BRME1: variants seen among roughly 807,000 people sequenced by gnomAD.
BRME1 encodes the protein BRCA2 and MEILB2-associating protein 1.
In BRME1, 31 loss-of-function variants were observed where a neutral mutation model predicts 52.6. The observed-to-expected ratio is 0.59, with a 90% CI of 0.44 to 0.80. The LOEUF (loss-of-function observed/expected upper bound fraction) is 0.80. Among genes scored for constraint, BRME1 ranks in the 30% least tolerant of loss-of-function variants. The probability of loss-of-function intolerance (pLI) is 0.00; values close to 1 mark genes in which losing one functional copy is unlikely to be tolerated. For missense variants in BRME1, 804 were observed against 860.3 expected (o/e 0.93, Z 0.82); for synonymous variants, 359 against 353.6 (o/e 1.02, Z -0.17).
At chr19:13,889,016 C>G (rs1011238985) in intron 6 of BRME1, among the ~76,000 whole-genome samples, 172 bp downstream of exon 6, 1 of 151,346 alleles carries the variant, frequency 6.6e-6, no homozygotes, top group Admixed American at 6.6e-5. Context: ...GGAAAACCAC[C>G]GACTCCACAC....
chr19:13,886,744 G>T (rs1317842069), intron 6 of BRME1, among the ~76,000 whole-genome samples: 1 of 150,242 alleles, frequency 6.7e-6, no homozygotes, highest in Non-Finnish European at 1.5e-5. Context: ...AGGATTGTTT[G>T]AGGCCAAGAG....
At chr19:13,887,877 C>T (rs933743005) in intron 6 of BRME1, among the ~76,000 whole-genome samples, 3 of 152,042 alleles carry the variant, frequency 2.0e-5, no homozygotes, top group African/African-American at 7.3e-5. Flanking sequence ...GATTCTCCTG[C>T]CTCAGCCTCC....
chr19:13,882,724 G>C lies in BRME1; in HGVS notation c.*78C>G. 6.3e-7 allele frequency: 1 copy of C among 1,577,468 alleles called. No homozygotes were observed. The highest frequency in any genetic ancestry group is 1.9e-5 in the Admixed American group (1 of 51,982). ...GAAGGGAGGTTTGTAGGGTCCACTA[G>C]GACCCCCTGGAGCATCTTGGAGGAG... On this transcript the variant is annotated 3_prime_UTR_variant, in exon 9 of 9. Coordinates refer to ENST00000586783, the MANE Select transcript of BRME1 (RefSeq NM_001345843.2).
intron 6 of BRME1, 26 bp downstream of exon 6, chr19:13,889,162 T>G: frequency 6.5e-7 from 1 of 1,527,690 alleles, no homozygotes; most frequent in Non-Finnish European, 8.8e-7. Context: ...TGGGCAGGTA[T>G]GTCTGTCACT....
chr19:13,899,396 C>T lies in BRME1; in HGVS notation c.32-3850G>A, dbSNP rs576364137. 8.5e-5 allele frequency among the ~76,000 whole-genome samples: 13 copies of T among 152,250 alleles called. No individual in the cohort carries two copies. The East Asian group carries it at 2.5e-3, about 29-fold the overall frequency. ...GAACTCCTGATCTCAAGTGATCTGTCTGCCTTGGCCTCCCAAAGTGCTGGG... is the reference window on the plus strand; with the variant it reads ...GAACTCCTGATCTCAAGTGATCTGTTTGCCTTGGCCTCCCAAAGTGCTGGG... On this transcript the variant is annotated intron_variant, in intron 2 of 8. Coordinates refer to ENST00000586783, the MANE Select transcript of BRME1 (RefSeq NM_001345843.2).
intron 6 of BRME1, among the ~76,000 whole-genome samples, chr19:13,887,204 G>A (rs1367287708): frequency 2.0e-5 from 3 of 152,200 alleles, no homozygotes; most frequent in Non-Finnish European, 4.4e-5. Flanking sequence ...CATCTTTGCT[G>A]TTCCCCGTGC....
In BRME1 at chr19:13,882,873, C is replaced by T; in HGVS notation, c.1936G>A (p.Ala646Thr). The T allele has an allele frequency of 5.6e-6, 9 of 1,614,054 alleles. No individual in the cohort carries two copies. Among genetic ancestry groups the T allele is most frequent in the South Asian group, 1.1e-5 (1 of 91,070 alleles). ...NYRKTKLGGK[A>T]PLPYPSKGPG... is the part of the protein sequence containing the mutation. ...CCCTTGGAAGGGTAAGGCAGGGGGG[C>T]TTTGCCTCCCAGCTTTGTCTTCCGG... Residue 646 changes from alanine to threonine, a missense_variant, in exon 9 of 9, where the codon GCC becomes ACC. By Grantham distance (58) the Ala-to-Thr change is moderately conservative (BLOSUM62 0). Transcript: ENST00000586783.
In BRME1 at chr19:13,901,685, T is replaced by TG. The variant is rs772650737; in HGVS notation, c.31+3176dup. Among the ~76,000 whole-genome samples, 23 of 128,808 alleles carry TG rather than the reference T, an allele frequency of 1.8e-4. 1 individual carries two copies. Among genetic ancestry groups the TG allele is most frequent in the Non-Finnish European group, 3.6e-4 (22 of 60,916 alleles). The allele number at this position is 128,808 out of a possible 152,430, so 84.5% of individuals were successfully genotyped here. On this transcript the variant is annotated intron_variant, in intron 2 of 8. Coordinates refer to ENST00000586783, the MANE Select transcript of BRME1 (RefSeq NM_001345843.2). ...CTGCACTCCAGCCTGGGTGACAGAG[T>TG]GAGACTGTCTCCAAAAAAAAAAAAA...
chr19:13,896,873 T>C (rs1969943690), intron 2 of BRME1, among the ~76,000 whole-genome samples: 2 of 151,654 alleles, frequency 1.3e-5, no homozygotes, highest in African/African-American at 4.8e-5. Context: ...TCTTTTGCTT[T>C]TGTTTTGTTG....
chr19:13,891,641 G>GT (rs956577934), intron 5 of BRME1, among the ~76,000 whole-genome samples: 19 of 151,220 alleles, frequency 1.3e-4, no homozygotes, highest in African/African-American at 4.6e-4. Context: ...AAATTTTGTG[G>GT]TTTTTTTGGT....
intron 5 of BRME1, 97 bp from the exon 6 acceptor site, chr19:13,890,559 T>C: frequency 8.1e-7 from 1 of 1,234,704 alleles, no homozygotes; most frequent in Non-Finnish European, 1.1e-6. Flanking sequence ...GCGGGTTTTG[T>C]CATTACTTTT....
At chr19:13,894,926 G>C (rs752172068) in intron 3 of BRME1, among the ~76,000 whole-genome samples, 41 of 152,114 alleles carry the variant, frequency 2.7e-4, no homozygotes, top group Non-Finnish European at 5.6e-4. Context: ...TGTTGCCCAG[G>C]CTGGAGCGTA....
chr19:13,902,766 A>T (rs1334047001), intron 2 of BRME1, among the ~76,000 whole-genome samples: 2 of 150,252 alleles, frequency 1.3e-5, no homozygotes, highest in East Asian at 3.9e-4. Context: ...CTACTAAAAA[A>T]ATACAAAAAT....
At chr19:13,892,071 CAAA>C (rs575433126) in intron 5 of BRME1, among the ~76,000 whole-genome samples, 1 of 136,200 alleles carries the variant, frequency 7.3e-6, no homozygotes, top group Non-Finnish European at 1.6e-5. Context: ...GACTCCATCT[CAAA>C]AAAAAAAAAA....
rs546887388 is a variant in BRME1, at chr19:13,893,403, T to C, written c.207-180A>G. On this transcript the variant is annotated intron_variant, in intron 3 of 8. Coordinates refer to ENST00000586783, the MANE Select transcript of BRME1 (RefSeq NM_001345843.2). ...AAATACAAAAATTAGCTGGATGTGG[T>C]GGCGCACGCCTGTAATCCCAGCTAC... Among the ~76,000 whole-genome samples the C allele has an allele frequency of 2.3e-3, 343 of 152,248 alleles. 1 individual carries two copies. Among genetic ancestry groups the C allele is most frequent in the African/African-American group, 7.8e-3 (324 of 41,532 alleles).
In BRME1 at chr19:13,889,385, C is replaced by T. The variant is rs1371889944; in HGVS notation, c.1471G>A (p.Asp491Asn). 6.8e-6 allele frequency: 11 copies of T among 1,613,920 alleles called. No homozygotes were observed. The highest frequency in any genetic ancestry group is 9.3e-6 in the Non-Finnish European group (11 of 1,180,006). Residue 491 changes from aspartate (D) to asparagine (N), a missense_variant, in exon 6 of 9, where the codon GAC becomes AAC. Transcript: ENST00000586783. Reference protein sequence around the residue: ...VVLEHREIADDPLQEPGAQQG... With the variant: ...VVLEHREIADNPLQEPGAQQG... The stretch of plus-strand genomic sequence containing the variant: ...TGAGCCCCGGGCTCCTGGAGAGGGT[C>T]GTCTGCTATTTCTCTGTGTTCCAGC...
intron 5 of BRME1, among the ~76,000 whole-genome samples, chr19:13,891,140 T>A (rs1568380750): frequency 6.7e-6 from 1 of 149,410 alleles, no homozygotes; most frequent in Admixed American, 6.7e-5. Flanking sequence ...TCCTGTTTAT[T>A]ATTATTATTA....
At chr19:13,899,151 CTT>C (rs561611001) in intron 2 of BRME1, among the ~76,000 whole-genome samples, 103 of 137,356 alleles carry the variant, frequency 7.5e-4, no homozygotes, top group Non-Finnish European at 1.2e-3. Context: ...TCTTCTTCTT[CTT>C]TTTTTTTTTT....
chr19:13,895,539 T>C lies in BRME1; in HGVS notation c.39A>G (p.Gly13=). Residue 13 remains glycine, a synonymous_variant, in exon 3 of 9, where the codon GGA becomes GGG. Transcript: ENST00000586783. ...TCTTTAGGGGTTTTGGAGGACAGAGTCCCTCTCCTGTTTTAGAGACAGAGG... is the reference window on the plus strand; with the variant it reads ...TCTTTAGGGGTTTTGGAGGACAGAGCCCCTCTCCTGTTTTAGAGACAGAGG... The part of the protein sequence containing the change: ...KRKKLRTSGE[G]LCPPKPLKNP... 6.2e-7 allele frequency: 1 copy of C among 1,611,936 alleles called. No individual in the cohort carries two copies.
Sources: allele counts gnomAD v4.1 joint callset (sites outside exome capture counted in the v4.1 genomes callset), GRCh38; gene constraint gnomAD v4.1.1; transcripts MANE v1.5; gene names NCBI Gene and HGNC (gene_info 2026-07-23, HGNC 2026-07-21).